LHFPL2: variants seen among roughly 807,000 people sequenced by gnomAD.
LHFPL2 encodes LHFPL tetraspan subfamily member 2 protein.
LHFPL2 carries 7 observed loss-of-function variants against 17.5 expected under a neutral mutation model. The observed-to-expected ratio is 0.40, with a 90% CI of 0.23 to 0.75. The LOEUF is 0.75. Among genes scored for constraint, LHFPL2 ranks in the 30% least tolerant of loss-of-function variants. LHFPL2 has a pLI of 0.37. For synonymous variants in LHFPL2, 134 were observed against 116.2 expected (o/e 1.15, Z -0.99); for missense variants, 241 against 294.8 (o/e 0.82, Z 1.34).
chr5:78,563,293 G>C (rs113800319), intron 3 of LHFPL2, among the ~76,000 whole-genome samples: 6 of 152,094 alleles, frequency 3.9e-5, no homozygotes, highest in African/African-American at 1.2e-4. Flanking sequence ...CATGTAATAA[G>C]TTCTTTAATT....
chr5:78,628,852 G>A (rs1180584556), intron 2 of LHFPL2, among the ~76,000 whole-genome samples: 6 of 152,228 alleles, frequency 3.9e-5, no homozygotes, highest in African/African-American at 7.2e-5. Context: ...AAATGCAGGC[G>A]AGGTGAGCCC....
chr5:78,497,874 G>A (rs956556142), intron 4 of LHFPL2, among the ~76,000 whole-genome samples: 5 of 152,348 alleles, frequency 3.3e-5, no homozygotes, highest in Non-Finnish European at 7.3e-5. Context: ...TTGATTAAAT[G>A]TAATACACTT....
At chr5:78,519,850 C>T (rs1388790737) in intron 3 of LHFPL2, among the ~76,000 whole-genome samples, 1 of 152,190 alleles carries the variant, frequency 6.6e-6, no homozygotes, top group Non-Finnish European at 1.5e-5. Context: ...TTCTGGAGCC[C>T]ATCTGGCATG....
chr5:78,545,264 C>T (rs1756235708), intron 3 of LHFPL2, among the ~76,000 whole-genome samples: 1 of 152,200 alleles, frequency 6.6e-6, no homozygotes, highest in Non-Finnish European at 1.5e-5. Context: ...AACACATTCC[C>T]CATCAGGAGG....
intron 1 of LHFPL2, among the ~76,000 whole-genome samples, chr5:78,635,345 G>A (rs1026186996): frequency 6.6e-6 from 1 of 152,182 alleles, no homozygotes; most frequent in African/African-American, 2.4e-5. Context: ...TTCTCTTCAA[G>A]TCCTCTGGGA....
chr5:78,494,134 G>A (rs1754532977), intron 4 of LHFPL2, among the ~76,000 whole-genome samples: 1 of 152,212 alleles, frequency 6.6e-6, no homozygotes, highest in African/African-American at 2.4e-5. Context: ...CTGCACTGTT[G>A]TTTTGGGGGT....
chr5:78,626,809 G>A lies in LHFPL2; in HGVS notation c.-245+5455C>T, dbSNP rs187611129. Reference sequence around the variant, plus strand: ...GAAATACAGTAAGCAGGCCTGGCGCGGTGGTTCACGCCTGTAATCTCAGCA... The same window carrying A: ...GAAATACAGTAAGCAGGCCTGGCGCAGTGGTTCACGCCTGTAATCTCAGCA... On this transcript the variant is annotated intron_variant, in intron 2 of 4. Transcript: ENST00000380345. Among the ~76,000 whole-genome samples, 4 of 152,132 alleles carry A rather than the reference G, an allele frequency of 2.6e-5. No individual in the cohort carries two copies. The East Asian group carries it at 5.8e-4, about 22-fold the overall frequency.
chr5:78,570,433 G>A (rs563193276), intron 2 of LHFPL2, among the ~76,000 whole-genome samples: 3 of 152,166 alleles, frequency 2.0e-5, no homozygotes, highest in African/African-American at 7.2e-5. Context: ...GGATCCTCCA[G>A]TGGGTGTGTT....
At chr5:78,608,666 C>T (rs1345384899) in intron 2 of LHFPL2, among the ~76,000 whole-genome samples, 2 of 151,692 alleles carry the variant, frequency 1.3e-5, no homozygotes, top group Non-Finnish European at 2.9e-5. Flanking sequence ...GGCACGGTGG[C>T]TCACGCCTGT....
In LHFPL2 at chr5:78,510,365, G is replaced by A; in HGVS notation, c.-152C>T. 2 of 773,954 alleles carry A rather than the reference G, an allele frequency of 2.6e-6. No individual in the cohort carries two copies. Among genetic ancestry groups the A allele is most frequent in the Non-Finnish European group, 4.0e-6 (2 of 495,026 alleles). The allele number at this position is 773,954 out of a possible 1,614,324, so 47.9% of individuals were successfully genotyped here. ...CGGCCGCGTTCATGCTGGGGACAGCGCTCCCGGACCCAGAGCACCGCCTGC... is the reference window on the plus strand; with the variant it reads ...CGGCCGCGTTCATGCTGGGGACAGCACTCCCGGACCCAGAGCACCGCCTGC... On this transcript the variant is annotated 5_prime_UTR_variant, in exon 4 of 5. Coordinates refer to ENST00000380345, the MANE Select transcript of LHFPL2 (RefSeq NM_005779.3).
intron 2 of LHFPL2, among the ~76,000 whole-genome samples, chr5:78,603,248 G>T (rs954822474): frequency 6.6e-6 from 1 of 152,174 alleles, no homozygotes; most frequent in Admixed American, 6.5e-5. Flanking sequence ...GCAGGGTTAA[G>T]TAACTGACTT....
chr5:78,542,865 T>C (rs1481155001), intron 3 of LHFPL2, among the ~76,000 whole-genome samples: 1 of 152,180 alleles, frequency 6.6e-6, no homozygotes, highest in African/African-American at 2.4e-5. Flanking sequence ...GAATGCTCCT[T>C]AAGTGCCAAT....
At chr5:78,517,007 C>T (rs1755313212) in intron 3 of LHFPL2, among the ~76,000 whole-genome samples, 1 of 152,236 alleles carries the variant, frequency 6.6e-6, no homozygotes, top group Admixed American at 6.5e-5. Context: ...CAGGCTTCTG[C>T]TTCTCTCAAA....
At chr5:78,593,663 C>G (rs1743724540) in intron 2 of LHFPL2, among the ~76,000 whole-genome samples, 1 of 152,128 alleles carries the variant, frequency 6.6e-6, no homozygotes, top group Non-Finnish European at 1.5e-5. Context: ...TGGTAGTGGT[C>G]AAGGATACAC....
At chr5:78,489,191 A>C in intron 4 of LHFPL2, 38 bp from the exon 5 acceptor site, 1 of 1,610,578 alleles carries the variant, frequency 6.2e-7, no homozygotes, top group South Asian at 1.1e-5. Context: ...GAAAATCCCC[A>C]TGGTGCTACA....
rs768014743 is a variant in LHFPL2 at position 78,546,730 on chromosome 5, C to A, written c.-186+18083G>T. ...AGTCTGCGTCTTCTGTGTATATTGACTACGAGTTTCTTGATGACATAGTGG... is the reference window on the plus strand; with the variant it reads ...AGTCTGCGTCTTCTGTGTATATTGAATACGAGTTTCTTGATGACATAGTGG... On this transcript the variant is annotated intron_variant, in intron 3 of 4. Transcript: ENST00000380345. Among the ~76,000 whole-genome samples, 28 of 152,298 alleles carry A rather than the reference C, an allele frequency of 1.8e-4. No homozygotes were observed. In the Middle Eastern group the frequency reaches 0.017, roughly 93 times the overall value.
In LHFPL2 at chr5:78,585,202, T is replaced by C. The variant is rs1338374225; in HGVS notation, c.-244-20331A>G. 2.1e-5 allele frequency among the ~76,000 whole-genome samples: 2 copies of C among 94,876 alleles called. 1 individual carries two copies. Among genetic ancestry groups the C allele is most frequent in the Non-Finnish European group, 4.8e-5 (2 of 41,252 alleles). 62.2% of individuals were successfully genotyped at this position (94,876 alleles called of 152,430 possible). A position where few individuals can be genotyped will look rare whatever the true frequency, so the allele number is the denominator to read the frequency against. On this transcript the variant is annotated intron_variant, in intron 2 of 4. Coordinates refer to ENST00000380345, the MANE Select transcript of LHFPL2 (RefSeq NM_005779.3). ...TTTGTATTTTTAGTAGAGACGGGGT[T>C]TCACCGTTTTTAGCCGGGATGGTCT... is the stretch of plus-strand genomic sequence containing the variant.
chr5:78,634,124 A>G (rs1490295523), intron 1 of LHFPL2, among the ~76,000 whole-genome samples: 1 of 152,188 alleles, frequency 6.6e-6, no homozygotes, highest in Non-Finnish European at 1.5e-5. Flanking sequence ...TCCCCCCAAA[A>G]AAAGCATATT....
At chr5:78,605,297 A>G (rs1213604858) in intron 2 of LHFPL2, among the ~76,000 whole-genome samples, 2 of 152,200 alleles carry the variant, frequency 1.3e-5, no homozygotes, top group Admixed American at 1.3e-4. Context: ...CAGGCAATCA[A>G]CGCAACTTCA....
Sources: gnomAD v4.1 joint callset for allele counts (sites outside exome capture counted in the v4.1 genomes callset) on GRCh38, gnomAD v4.1.1 for gene constraint, MANE v1.5 for transcripts, NCBI Gene and HGNC (gene_info 2026-07-23, HGNC 2026-07-21) for gene names.